The following USH2A variants were observed in gnomAD, a reference collection of about 807,000 sequenced individuals.
USH2A encodes Usher syndrome 2A (autosomal recessive, mild).
In USH2A, 443 loss-of-function variants were observed where a neutral mutation model predicts 538.9. That is an observed-to-expected ratio of 0.82 (90% CI 0.76 to 0.89). The LOEUF is 0.89. Ranked by LOEUF, USH2A falls within the 40% of genes least tolerant of loss-of-function variation. The probability of loss-of-function intolerance (pLI) is 0.00; values close to 1 mark genes in which losing one functional copy is unlikely to be tolerated. For missense variants in USH2A, 6,633 were observed against 6,324.8 expected, an observed-to-expected ratio of 1.05 and a Z score of -1.65; for synonymous variants, 2,413 against 2,273.5, an observed-to-expected ratio of 1.06 and a Z score of -1.75.
intron 21 of USH2A, among the ~76,000 whole-genome samples, chr1:216,153,827 G>A (rs995595800): frequency 6.6e-6 from 1 of 152,160 alleles, no homozygotes; most frequent in Non-Finnish European, 1.5e-5. Context: ...AACAAGGAGA[G>A]AACAGCATCA....
At chr1:216,308,067 G>A (rs994101643) in intron 9 of USH2A, among the ~76,000 whole-genome samples, 7 of 152,138 alleles carry the variant, frequency 4.6e-5, no homozygotes, top group Non-Finnish European at 8.8e-5. Flanking sequence ...CTGTCTGTCC[G>A]AGGGGGAGCT....
At chr1:216,133,813 T>C (rs901879527) in intron 21 of USH2A, among the ~76,000 whole-genome samples, 2 of 152,146 alleles carry the variant, frequency 1.3e-5, no homozygotes, top group Admixed American at 1.3e-4. Context: ...ATGATTACCA[T>C]GTATATGTCT....
chr1:215,870,859 T>A (rs1226870987), intron 43 of USH2A, among the ~76,000 whole-genome samples: 1 of 152,144 alleles, frequency 6.6e-6, no homozygotes, highest in Non-Finnish European at 1.5e-5. Context: ...TAATAAATGA[T>A]AAAAGAATAC....
Position 216,085,719 on chromosome 1 carries a change from A to AGTGTGTGTGT in USH2A, c.4988-852_4988-843dup, listed in dbSNP as rs140742468. ...GCAAAAAACAAAGGCTGTGTACGTG[A>AGTGTGTGTGT]GTGTGTGTGTGTGTGTGTGTGTGTG... On this transcript the variant is annotated intron_variant, in intron 24 of 71. Coordinates refer to ENST00000307340, the MANE Select transcript of USH2A (RefSeq NM_206933.4). 3.7e-3 allele frequency among the ~76,000 whole-genome samples: 535 copies of AGTGTGTGTGT among 143,698 alleles called. 5 individuals are homozygous for AGTGTGTGTGT. The highest frequency in any genetic ancestry group is 9.3e-3 in the African/African-American group (364 of 39,262). 94.3% of individuals were successfully genotyped at this position (143,698 alleles called of 152,430 possible).
intron 56 of USH2A, among the ~76,000 whole-genome samples, chr1:215,765,927 A>T (rs550310893): frequency 7.2e-5 from 11 of 152,324 alleles, no homozygotes; most frequent in Admixed American, 2.6e-4. Flanking sequence ...AACAAAATAA[A>T]TGCTTCAATA....
chr1:216,142,984 AAC>A (rs1449464072), intron 21 of USH2A, among the ~76,000 whole-genome samples: 1 of 152,154 alleles, frequency 6.6e-6, no homozygotes, highest in Non-Finnish European at 1.5e-5. Context: ...CGCATCTGTA[AAC>A]AGTTATCATG....
At chr1:215,870,083 A>G (rs1187558457) in intron 43 of USH2A, among the ~76,000 whole-genome samples, 1 of 146,154 alleles carries the variant, frequency 6.8e-6, no homozygotes, top group African/African-American at 2.6e-5. Flanking sequence ...AAACAAGTGG[A>G]TTTGTGTAAG....
At position 215,790,214 on chromosome 1, in the gene USH2A, C is replaced by T. The variant is rs772453254; in HGVS notation, c.10027G>A (p.Glu3343Lys). The change falls in exon 51 of 72, where the codon GAG becomes AAG. Residue 3343 changes from glutamate (E) to lysine (K), a missense_variant. Coordinates refer to ENST00000307340, the MANE Select transcript of USH2A (RefSeq NM_206933.4). ...TTCTTTTTAATATGTGCTTTAGACT[C>T]TCCACTGGAAGCTGAGCAGCATATG... is the stretch of plus-strand genomic sequence containing the variant. The part of the protein sequence containing the change: ...DTICCSASSG[E>K]SKAHIKKNDP... 1 of 1,614,088 alleles carries T rather than the reference C, an allele frequency of 6.2e-7. No individual in the cohort carries two copies. The highest frequency in any genetic ancestry group is 2.2e-5 in the East Asian group (1 of 44,854).
intron 56 of USH2A, among the ~76,000 whole-genome samples, chr1:215,765,199 C>T (rs954700539): frequency 2.0e-5 from 3 of 152,056 alleles, no homozygotes; most frequent in African/African-American, 7.2e-5. Context: ...GTTGATAGAT[C>T]CTTTAGAAAT....
At chr1:215,958,124 C>G (rs980661792) in intron 37 of USH2A, among the ~76,000 whole-genome samples, 2 of 149,878 alleles carry the variant, frequency 1.3e-5, no homozygotes. Flanking sequence ...AGAAAATAAA[C>G]GCTTCTGTAT....
intron 32 of USH2A, among the ~76,000 whole-genome samples, chr1:216,012,716 CA>C (rs1255586953): frequency 6.6e-6 from 1 of 152,176 alleles, no homozygotes; most frequent in African/African-American, 2.4e-5. Flanking sequence ...GCTCAGCCGC[CA>C]ACTTAAAAAG....
intron 37 of USH2A, among the ~76,000 whole-genome samples, chr1:215,945,138 A>G (rs1241559299): frequency 1.3e-5 from 2 of 152,168 alleles, no homozygotes; most frequent in African/African-American, 2.4e-5. Context: ...TAAGCATTCG[A>G]TATGTAAAGG....
At position 215,846,028 on chromosome 1, in the gene USH2A, G is replaced by A; in HGVS notation, c.8851C>T (p.Gln2951Ter). ...TATTCAACTTCACCTTGTAGGTCTTGAACAGCTGTCAACAATAAATGCAGG... is the reference window on the plus strand; with the variant it reads ...TATTCAACTTCACCTTGTAGGTCTTAAACAGCTGTCAACAATAAATGCAGG... ...IDVRWAKPTVQDLQGEVEYYT... is the reference protein window; with the variant it reads ...IDVRWAKPTV Residue 2951 changes from glutamine to a stop codon, truncating the protein, a stop_gained, in exon 45 of 72, where the codon CAA becomes TAA. Coordinates refer to ENST00000307340, the MANE Select transcript of USH2A (RefSeq NM_206933.4). LOFTEE classifies it high-confidence loss of function. The A allele has an allele frequency of 1.2e-6, 2 of 1,608,872 alleles. No individual in the cohort carries two copies. The highest frequency in any genetic ancestry group is 1.3e-5 in the African/African-American group (1 of 74,792).
Position 215,734,403 on chromosome 1 carries a change from T to C in USH2A, c.11712-6019A>G, listed in dbSNP as rs537218836. 2.6e-5 allele frequency among the ~76,000 whole-genome samples: 4 copies of C among 152,308 alleles called. No individual in the cohort carries two copies. In the South Asian group the frequency reaches 8.3e-4, roughly 32 times the overall value. On this transcript the variant is annotated intron_variant, in intron 60 of 71. Transcript: ENST00000307340. ...TGAGAGGGGCTGCCTGTAAGATCTC[T>C]GAAATGCCTTCTAGGCCTTTTCCCT... is the stretch of plus-strand genomic sequence containing the variant.
rs931600612 is a variant in USH2A at position 215,681,599 on chromosome 1, G to A, written c.12067-1223C>T. ...GAACATCAGAAAAAATTATGTGTGGGGGCATCCAAATATCATTTTGGATAA... is the reference window on the plus strand; with the variant it reads ...GAACATCAGAAAAAATTATGTGTGGAGGCATCCAAATATCATTTTGGATAA... On this transcript the variant is annotated intron_variant, in intron 61 of 71. Transcript: ENST00000307340. Among the ~76,000 whole-genome samples, 6 of 152,148 alleles carry A rather than the reference G, an allele frequency of 3.9e-5. 1 individual carries two copies. The highest frequency in any genetic ancestry group is 4.1e-4 in the South Asian group (2 of 4,820).
intron 70 of USH2A, among the ~76,000 whole-genome samples, chr1:215,633,183 G>C (rs1451212325): frequency 6.6e-6 from 1 of 152,176 alleles, no homozygotes; most frequent in African/African-American, 2.4e-5. Context: ...AGCCACCCAA[G>C]GAGCAGCAGC....
intron 11 of USH2A, among the ~76,000 whole-genome samples, chr1:216,251,755 T>C (rs955126193): frequency 6.6e-6 from 1 of 152,134 alleles, no homozygotes; most frequent in African/African-American, 2.4e-5. Flanking sequence ...CTCTATTTTA[T>C]TCCTCTTGTT....
chr1:215,700,311 G>A (rs1191526103), intron 61 of USH2A, among the ~76,000 whole-genome samples: 1 of 152,144 alleles, frequency 6.6e-6, no homozygotes, highest in Admixed American at 6.5e-5. Context: ...TCAGGATGAT[G>A]CTGGCCTTAT....
chr1:216,307,050 C>T (rs915398171), intron 9 of USH2A, among the ~76,000 whole-genome samples: 1 of 152,078 alleles, frequency 6.6e-6, no homozygotes, highest in Admixed American at 6.5e-5. Flanking sequence ...GCATCAACGG[C>T]AGTAGCATAG....
Sources: gnomAD v4.1 joint callset for allele counts (sites outside exome capture counted in the v4.1 genomes callset) on GRCh38, gnomAD v4.1.1 for gene constraint, MANE v1.5 for transcripts, NCBI Gene and HGNC (gene_info 2026-07-23, HGNC 2026-07-21) for gene names.